The following SPEF2 variants were observed in gnomAD, a reference collection of about 807,000 sequenced individuals.
SPEF2 encodes the protein sperm flagella and cilia-associated protein 2.
SPEF2 carries 187 observed loss-of-function variants against 224.6 expected under a neutral mutation model. The ratio of observed to expected loss-of-function variants is 0.83; its 90% confidence interval spans 0.74 to 0.94. SPEF2 has a LOEUF of 0.94. SPEF2 is among the 40% of genes least tolerant of loss of function. The pLI is 0.00. For missense variants in SPEF2, 2,170 were observed against 2,135.6 expected, an observed-to-expected ratio of 1.02 and a Z score of -0.32; for synonymous variants, 715 against 707.3, an observed-to-expected ratio of 1.01 and a Z score of -0.17.
At chr5:35,683,004 G>T in intron 10 of SPEF2, among the ~76,000 whole-genome samples, 1 of 152,156 alleles carries the variant, frequency 6.6e-6, no homozygotes. Context: ...AAGCATGTTT[G>T]CTTCCAAGCA....
At chr5:35,765,796 T>A (rs1752014771) in intron 26 of SPEF2, among the ~76,000 whole-genome samples, 1 of 152,172 alleles carries the variant, frequency 6.6e-6, no homozygotes, top group Admixed American at 6.5e-5. Flanking sequence ...AAGGAAGTAT[T>A]TATCAGATTA....
intron 6 of SPEF2, among the ~76,000 whole-genome samples, chr5:35,653,611 G>C (rs1748504897): frequency 6.6e-6 from 1 of 152,088 alleles, no homozygotes; most frequent in Non-Finnish European, 1.5e-5. Context: ...CCAGCAGGAA[G>C]AAGAGGAAAA....
intron 20 of SPEF2, among the ~76,000 whole-genome samples, chr5:35,713,603 G>A (rs1741664278): frequency 1.3e-5 from 2 of 150,528 alleles, no homozygotes; most frequent in Non-Finnish European, 1.5e-5. Flanking sequence ...AGGCATGGTG[G>A]CACACACCTG....
chr5:35,740,497 AG>A (rs1480829148), intron 23 of SPEF2, among the ~76,000 whole-genome samples: 2 of 152,224 alleles, frequency 1.3e-5, no homozygotes, highest in African/African-American at 4.8e-5. Context: ...CCGCACTGCG[AG>A]AACATTCTGG....
intron 23 of SPEF2, among the ~76,000 whole-genome samples, chr5:35,744,978 T>C (rs7710187): frequency 0.91 from 138,860 of 152,198 alleles, 63,512 homozygotes; most frequent in South Asian, 0.99. Flanking sequence ...ATGAGTGCCC[T>C]AGTGCGGCAG....
At chr5:35,649,626 AG>A (rs1200791062) in intron 6 of SPEF2, among the ~76,000 whole-genome samples, 4 of 152,360 alleles carry the variant, frequency 2.6e-5, no homozygotes, top group Admixed American at 1.3e-4. Context: ...TGAGAGAAAG[AG>A]ACTATTACGA....
chr5:35,741,103 C>G (rs1244943059), intron 23 of SPEF2, among the ~76,000 whole-genome samples: 1 of 152,078 alleles, frequency 6.6e-6, no homozygotes, highest in African/African-American at 2.4e-5. Flanking sequence ...CAGCAGTGAA[C>G]AAAATAAATC....
chr5:35,697,999 C>A (rs1427742745), intron 15 of SPEF2: 1 of 401,976 alleles, frequency 2.5e-6, no homozygotes, highest in Non-Finnish European at 4.5e-6. Flanking sequence ...AGCTTGACTT[C>A]TTTTACCCAG....
intron 8 of SPEF2, among the ~76,000 whole-genome samples, chr5:35,661,167 T>C (rs1349236393): frequency 6.7e-6 from 1 of 150,282 alleles, no homozygotes; most frequent in Non-Finnish European, 1.5e-5. Flanking sequence ...TATCATTCAC[T>C]AACTAAACAA....
At chr5:35,772,881 T>C (rs1184006281) in intron 27 of SPEF2, among the ~76,000 whole-genome samples, 2 of 152,198 alleles carry the variant, frequency 1.3e-5, no homozygotes, top group African/African-American at 4.8e-5. Flanking sequence ...TTACAGTATC[T>C]TCTCTATAAG....
intron 1 of SPEF2, among the ~76,000 whole-genome samples, chr5:35,621,210 T>G (rs1008940116): frequency 1.3e-5 from 2 of 152,160 alleles, no homozygotes; most frequent in Non-Finnish European, 2.9e-5. Flanking sequence ...TGTGGAAAAG[T>G]TATATGGAGT....
chr5:35,694,164 T>C (rs1370882561), intron 12 of SPEF2, 124 bp from the exon 13 acceptor site: 16 of 712,198 alleles, frequency 2.2e-5, no homozygotes. Flanking sequence ...TTTAAAATCA[T>C]TAATGTTATA....
chr5:35,764,418 A>G (rs1283926386), intron 26 of SPEF2: 2 of 368,380 alleles, frequency 5.4e-6, no homozygotes, highest in Non-Finnish European at 1.1e-5. Context: ...TATCATTTCT[A>G]CCCAAATCAA....
chr5:35,724,902 T>C (rs376100755), intron 20 of SPEF2, among the ~76,000 whole-genome samples: 25 of 152,300 alleles, frequency 1.6e-4, no homozygotes, highest in African/African-American at 5.5e-4. Flanking sequence ...CTCTTGTTAT[T>C]GATTATAAAG....
chr5:35,747,422 A>G (rs1748719128), intron 23 of SPEF2, among the ~76,000 whole-genome samples: 1 of 152,168 alleles, frequency 6.6e-6, no homozygotes, highest in African/African-American at 2.4e-5. Flanking sequence ...TCACCAACCA[A>G]CTATCTGCTG....
rs1332883269 is a variant in SPEF2 at position 35,654,911 on chromosome 5, A to AGCT, written c.978+185_978+186insGCT. Among the ~76,000 whole-genome samples the AGCT allele has an allele frequency of 2.2e-3, 330 of 152,328 alleles. 1 individual carries two copies. Among genetic ancestry groups the AGCT allele is most frequent in the African/African-American group, 7.7e-3 (320 of 41,570 alleles). On this transcript the variant is annotated intron_variant, in intron 7 of 36. Transcript: ENST00000356031. ...AGTAGCTATTTACTAAAGAATCTAA[A>AGCT]ATCTGGTGATAGTTGTACAACATTG...
intron 34 of SPEF2, among the ~76,000 whole-genome samples, chr5:35,802,950 T>G: frequency 6.6e-6 from 1 of 152,158 alleles, no homozygotes; most frequent in East Asian, 1.9e-4. Flanking sequence ...AGGAGGGAAG[T>G]AAGGAGACCT....
At chr5:35,719,827 G>A (rs560250464) in intron 20 of SPEF2, among the ~76,000 whole-genome samples, 1 of 152,062 alleles carries the variant, frequency 6.6e-6, no homozygotes, top group Non-Finnish European at 1.5e-5. Flanking sequence ...TCACTGTGTT[G>A]GCCAGGCTGG....
At chr5:35,805,954 G>A (rs1445073145) in intron 34 of SPEF2, among the ~76,000 whole-genome samples, 4 of 151,830 alleles carry the variant, frequency 2.6e-5, no homozygotes, top group Non-Finnish European at 4.4e-5. Context: ...CCATTTTTTG[G>A]AATCTTAGGT....
Sources: allele counts gnomAD v4.1 joint callset (sites outside exome capture counted in the v4.1 genomes callset), GRCh38; gene constraint gnomAD v4.1.1; transcripts MANE v1.5; gene names NCBI Gene and HGNC (gene_info 2026-07-23, HGNC 2026-07-21).